SPMIP2: variants seen among roughly 807,000 people sequenced by gnomAD.
The protein encoded by SPMIP2 is protein SPMIP2.
At chr4:158,950,526 A>T in the SPMIP2 span, among the ~76,000 whole-genome samples, 1 of 152,230 alleles carries the variant, frequency 6.6e-6, no homozygotes, top group Non-Finnish European at 1.5e-5. Flanking sequence ...GGAAAGGGAA[A>T]GCAAAAGCAA....
At chr4:159,015,623 G>A in the SPMIP2 span, among the ~76,000 whole-genome samples, 1 of 152,084 alleles carries the variant, frequency 6.6e-6, no homozygotes, top group East Asian at 1.9e-4. Flanking sequence ...TATTCTATTA[G>A]AAAAAAGAGA....
At chr4:158,908,118 C>T in the SPMIP2 span, 3 of 152,078 alleles carry the variant, frequency 2.0e-5, no homozygotes, top group Non-Finnish European at 2.9e-5. Context: ...TCTAATAATT[C>T]GTGCTGAAAA....
chr4:159,059,599 C>T, the SPMIP2 span, among the ~76,000 whole-genome samples: 1 of 152,166 alleles, frequency 6.6e-6, no homozygotes, highest in Non-Finnish European at 1.5e-5. Flanking sequence ...TCTCAAGCTC[C>T]TGAACTCAAG....
chr4:158,960,291 G>A, the SPMIP2 span: 1 of 1,546,876 alleles, frequency 6.5e-7, no homozygotes, highest in South Asian at 1.1e-5. Context: ...CTTACCATGG[G>A]TTTTGATATC....
At chr4:158,972,234 T>C in the SPMIP2 span, among the ~76,000 whole-genome samples, 1 of 152,184 alleles carries the variant, frequency 6.6e-6, no homozygotes, top group African/African-American at 2.4e-5. Flanking sequence ...TGATGGCATG[T>C]GCCTGTAGTC....
the SPMIP2 span, among the ~76,000 whole-genome samples, chr4:159,063,481 C>T: frequency 1.3e-5 from 2 of 151,972 alleles, no homozygotes; most frequent in Admixed American, 6.6e-5. Flanking sequence ...ACCCGGGAAG[C>T]AGAATTTGCA....
chr4:158,904,577 A>AAAAAATCAAATTCTCAACTGAAGGAG, the SPMIP2 span: 1 of 1,572,986 alleles, frequency 6.4e-7, no homozygotes, highest in South Asian at 1.1e-5. Context: ...CCTTGGAAGA[A>AAAAAATCAAATTCTCAACTGAAGGAG]AAAAATCAAA....
the SPMIP2 span, among the ~76,000 whole-genome samples, chr4:158,920,847 C>G: frequency 6.6e-6 from 1 of 152,136 alleles, no homozygotes; most frequent in African/African-American, 2.4e-5. Context: ...GCTTTTTGCC[C>G]TTTGAAGCAT....
At chr4:158,930,191 G>GTCTCTCTCTCTC in the SPMIP2 span, among the ~76,000 whole-genome samples, 3,100 of 144,184 alleles carry the variant, frequency 0.022, 116 homozygotes, top group African/African-American at 0.063. Context: ...GAGGATCTCA[G>GTCTCTCTCTCTC]TCTCTCTCTC....
the SPMIP2 span, among the ~76,000 whole-genome samples, chr4:158,961,609 A>G: frequency 2.6e-5 from 4 of 152,110 alleles, no homozygotes; most frequent in Non-Finnish European, 5.9e-5. Flanking sequence ...CAGCTTCTGG[A>G]CAAATTTTGC....
At chr4:158,979,802 T>TG in the SPMIP2 span, among the ~76,000 whole-genome samples, 5 of 144,936 alleles carry the variant, frequency 3.4e-5, 1 homozygote, top group African/African-American at 1.4e-4. Flanking sequence ...TTTTTTTTTT[T>TG]TTTTTTTTTT....
chr4:159,063,192 T>C, the SPMIP2 span, among the ~76,000 whole-genome samples: 1 of 152,086 alleles, frequency 6.6e-6, no homozygotes, highest in African/African-American at 2.4e-5. Flanking sequence ...TAAGCAAAAA[T>C]AGGAGAGGCT....
the SPMIP2 span, among the ~76,000 whole-genome samples, chr4:158,903,103 G>A: frequency 3.5e-3 from 527 of 152,304 alleles, 1 homozygote; most frequent in Non-Finnish European, 5.5e-3. Flanking sequence ...TGAAACCCAG[G>A]GCCCTGATTG....
the SPMIP2 span, among the ~76,000 whole-genome samples, chr4:158,910,844 C>G: frequency 6.6e-6 from 1 of 152,142 alleles, no homozygotes; most frequent in African/African-American, 2.4e-5. Flanking sequence ...GAGCCAACTC[C>G]TAAAAATAAA....
chr4:158,965,766 T>A, the SPMIP2 span, among the ~76,000 whole-genome samples: 1 of 152,068 alleles, frequency 6.6e-6, no homozygotes, highest in Non-Finnish European at 1.5e-5. Context: ...AATTCATTAC[T>A]CTTTATCTAC....
the SPMIP2 span, among the ~76,000 whole-genome samples, chr4:158,942,677 TGAGGCACGA>T: frequency 4.6e-5 from 7 of 152,130 alleles, no homozygotes; most frequent in African/African-American, 1.7e-4. Context: ...CTTGAGAAGC[TGAGGCACGA>T]GAGTCACTTG....
At chr4:159,039,794 G>A in the SPMIP2 span, among the ~76,000 whole-genome samples, 2 of 152,176 alleles carry the variant, frequency 1.3e-5, no homozygotes, top group Admixed American at 1.3e-4. Flanking sequence ...CTATTGTCTC[G>A]CTTCGATAAT....
At chr4:158,930,231 TGAAA>T in the SPMIP2 span, among the ~76,000 whole-genome samples, 96,167 of 149,882 alleles carry the variant, frequency 0.64, 31,331 homozygotes, top group East Asian at 0.9. Context: ...CGCTCTGAGT[TGAAA>T]GAGTCTTGCT....
the SPMIP2 span, among the ~76,000 whole-genome samples, chr4:159,067,226 T>A: frequency 0.012 from 1,837 of 151,500 alleles, 35 homozygotes; most frequent in African/African-American, 0.041. Context: ...AGAATCTATT[T>A]AAAAAAAAAC....
Sources: gnomAD v4.1 joint callset for allele counts (sites outside exome capture counted in the v4.1 genomes callset) on GRCh38, gnomAD v4.1.1 for gene constraint, MANE v1.5 for transcripts, NCBI Gene and HGNC (gene_info 2026-07-23, HGNC 2026-07-21) for gene names.